MUC12: variants seen among roughly 807,000 people sequenced by gnomAD.
MUC12 encodes the protein mucin 12, cell surface associated.
Under a neutral mutation model 230.8 loss-of-function variants are expected in MUC12, and 172 were observed. The observed-to-expected ratio is 0.75, with a 90% CI of 0.66 to 0.85. MUC12 has a LOEUF of 0.85. Ranked by LOEUF, MUC12 falls within the 40% of genes least tolerant of loss-of-function variation. MUC12 has a pLI of 0.00. For synonymous variants in MUC12, 1,259 were observed against 2,401.9 expected (o/e 0.52, Z 13.91); for missense variants, 3,506 against 5,920.6 (o/e 0.59, Z 13.38).
chr7:101,012,722 G>T (rs3924886), intron 6 of MUC12, 97 bp from the exon 7 acceptor site: 43 of 1,361,394 alleles, frequency 3.2e-5, no homozygotes, highest in African/African-American at 4.3e-5. Context: ...CATTGGCCCA[G>T]GGGAGGGCAT....
At chr7:100,974,518 C>T (rs557089542) in intron 1 of MUC12, among the ~76,000 whole-genome samples, 1 of 152,412 alleles carries the variant, frequency 6.6e-6, no homozygotes, top group East Asian at 1.9e-4. Context: ...TGCTGATCAT[C>T]CTGTTGAAAA....
rs1469248244 is a variant in MUC12 at position 100,991,591 on chromosome 7, C to T, written c.1028C>T (p.Thr343Ile). 3 of 1,537,072 alleles carry T rather than the reference C, an allele frequency of 2.0e-6. No individual in the cohort carries two copies. Among genetic ancestry groups the T allele is most frequent in the Non-Finnish European group, 2.6e-6 (3 of 1,146,450 alleles). The change falls in exon 2 of 12, where the codon ACA (threonine) becomes ATA (isoleucine). Residue 343 changes from threonine to isoleucine, a missense_variant. Thr to Ile is a moderately conservative substitution (Grantham distance 89, BLOSUM62 -1). Coordinates refer to ENST00000536621, the MANE Select transcript of MUC12 (RefSeq NM_001164462.2). ...VHSSPVATAT[T>I]PPPARSATSG... ...AGCAGCCCAGTTGCAACTGCAACAA[C>T]ACCCCCACCTGCCCGCTCCGCGACC...
chr7:101,007,510 CT>C (rs532674267), intron 3 of MUC12, among the ~76,000 whole-genome samples: 19 of 152,294 alleles, frequency 1.2e-4, no homozygotes, highest in African/African-American at 4.1e-4. Context: ...CAATGTTTGT[CT>C]TTCTGTGCCT....
intron 1 of MUC12, among the ~76,000 whole-genome samples, chr7:100,984,000 A>C (rs1282183328): frequency 2.6e-5 from 4 of 152,164 alleles, no homozygotes; most frequent in Non-Finnish European, 5.9e-5. Context: ...CCCTGCCTTC[A>C]TGTGGGCCTC....
rs375191349 is a variant in MUC12 at position 101,012,964 on chromosome 7, C to T, written c.15476-16C>T. The T allele has an allele frequency of 2.1e-5, 32 of 1,537,124 alleles. No individual in the cohort carries two copies. Among genetic ancestry groups the T allele is most frequent in the Middle Eastern group, 1.7e-4 (1 of 6,012 alleles). Reference sequence around the variant, plus strand: ...TTTGGCCAGGCTCATGCATGCTGCCCGCCCCTCTCCCTCAGAGCAATGCAC... The same window carrying T: ...TTTGGCCAGGCTCATGCATGCTGCCTGCCCCTCTCCCTCAGAGCAATGCAC... On this transcript the variant is annotated splice_polypyrimidine_tract_variant and intron_variant, in intron 7 of 11. Transcript: ENST00000536621.
Position 101,012,865 on chromosome 7 carries a change from G to A in MUC12, c.15450G>A (p.Ser5150=), listed in dbSNP as rs1007108146. 1.6e-5 allele frequency: 24 copies of A among 1,537,142 alleles called. No individual in the cohort carries two copies. Among genetic ancestry groups the A allele is most frequent in the East Asian group, 2.4e-5 (1 of 40,926 alleles). ...YSEEDTFVDS[S]VTPGFDFQEQ... ...AAGAGGACACTTTCGTGGATTCATC[G>A]GTGACTCCGGGCTTTGACTTCCAGG... Residue 5150 remains serine, a synonymous_variant, in exon 7 of 12, where the codon TCG becomes TCA. Transcript: ENST00000536621.
Position 100,992,310 on chromosome 7 carries a change from C to A in MUC12, c.1747C>A (p.Arg583Ser), listed in dbSNP as rs10953312. 800,350 of 1,537,060 alleles carry A rather than the reference C, an allele frequency of 0.52. 209,676 individuals are homozygous for A. The highest frequency in any genetic ancestry group is 0.6 in the East Asian group (24,451 of 40,886). ...TCCAGAATATACTACCTTCCACAGC[C>A]GCCCAGGCTCCACTGAAACAACACT... Reference protein sequence around the residue: ...LGPEYTTFHSRPGSTETTLLP... With the variant: ...LGPEYTTFHSSPGSTETTLLP... The change falls in exon 2 of 12, where the codon CGC (arginine) becomes AGC (serine). Residue 583 changes from arginine (R) to serine (S), a missense_variant. By Grantham distance (110) the Arg-to-Ser change is moderately radical. Transcript: ENST00000536621.
In MUC12 at chr7:100,991,360, C is replaced by G. The variant is rs115914202; in HGVS notation, c.797C>G (p.Ser266Cys). 1.6e-3 allele frequency: 2,397 copies of G among 1,537,762 alleles called. 23 individuals carry two copies. In the African/African-American group the frequency reaches 0.03, roughly 19 times the overall value. The change falls in exon 2 of 12, where the codon TCC becomes TGC. Residue 266 changes from serine to cysteine, a missense_variant. Physicochemically the swap from Ser to Cys is moderately radical, Grantham distance 112. Transcript: ENST00000536621. Reference sequence around the variant, plus strand: ...TCGCCACACACAACACTGTCCCCTTCCAGCTCTACAACCCATGAGGGAGAA... The same window carrying G: ...TCGCCACACACAACACTGTCCCCTTGCAGCTCTACAACCCATGAGGGAGAA... The part of the protein sequence containing the change: ...TGSPHTTLSP[S>C]SSTTHEGEPT...
chr7:100,991,422 A>C lies in MUC12; in HGVS notation c.859A>C (p.Thr287Pro). The change falls in exon 2 of 12, where the codon ACT (threonine) becomes CCT (proline). Residue 287 changes from threonine (T) to proline (P), a missense_variant. Coordinates refer to ENST00000536621, the MANE Select transcript of MUC12 (RefSeq NM_001164462.2). ...CCAGAGCTGGCCAAGCTCAAAGGACACTTCGCCTGCACCTTCTGGTACCAC... is the reference window on the plus strand; with the variant it reads ...CCAGAGCTGGCCAAGCTCAAAGGACCCTTCGCCTGCACCTTCTGGTACCAC... ...TFQSWPSSKD[T>P]SPAPSGTTSA... is the part of the protein sequence containing the mutation. 6.5e-7 allele frequency: 1 copy of C among 1,537,816 alleles called. No homozygotes were observed.
At chr7:101,011,482 T>C (rs1237373625) in intron 5 of MUC12, among the ~76,000 whole-genome samples, 2 of 152,190 alleles carry the variant, frequency 1.3e-5, no homozygotes, top group Non-Finnish European at 2.9e-5. Context: ...AGTGCAGTGG[T>C]GCAATCATAG....
intron 1 of MUC12, among the ~76,000 whole-genome samples, chr7:100,979,803 A>ATG (rs1225235979): frequency 1.0e-5 from 1 of 98,770 alleles, no homozygotes; most frequent in Non-Finnish European, 2.4e-5. Flanking sequence ...GTAAAATAAC[A>ATG]TGTATATATA....
In MUC12 at chr7:101,004,327, C is replaced by G; in HGVS notation, c.13764C>G (p.Pro4588=). Residue 4588 remains proline (P), a synonymous_variant, in exon 2 of 12, where the codon CCC becomes CCG. Transcript: ENST00000536621. ...GCCCAGTTGCAACTGCAACAACACCCTCGCCTGCCCGCTCCACAACCTCAG... is the reference window on the plus strand; with the variant it reads ...GCCCAGTTGCAACTGCAACAACACCGTCGCCTGCCCGCTCCACAACCTCAG... ...HSSPVATATT[P]SPARSTTSGL... is the part of the protein sequence containing the mutation. 6 of 1,217,150 alleles carry G rather than the reference C, an allele frequency of 4.9e-6. No individual in the cohort carries two copies. The highest frequency in any genetic ancestry group is 6.6e-6 in the Non-Finnish European group (6 of 915,542). The allele number at this position is 1,217,150 out of a possible 1,614,324, so 75.4% of individuals were successfully genotyped here. A position where few individuals can be genotyped will look rare whatever the true frequency, so the allele number is the denominator to read the frequency against.
At chr7:100,972,123 T>G (rs918340691) in intron 1 of MUC12, 14 of 703,364 alleles carry the variant, frequency 2.0e-5, no homozygotes, top group Non-Finnish European at 3.6e-5. Context: ...TGCAGAGGGC[T>G]CTGCTGTTCA....
In MUC12 at chr7:100,990,675, T is replaced by A. The variant is rs1173288284; in HGVS notation, c.112T>A (p.Ser38Thr). 2.0e-6 allele frequency: 3 copies of A among 1,537,708 alleles called. No homozygotes were observed. The highest frequency in any genetic ancestry group is 2.4e-5 in the South Asian group (2 of 84,066). ...TATTGGAGGTAATACAACTTCTGCA[T>A]CCACACCCAGTTCAAGCGACCCTTT... Reference protein sequence around the residue: ...TSIGGNTTSASTPSSSDPFTT... With the variant: ...TSIGGNTTSATTPSSSDPFTT... The change falls in exon 2 of 12, where the codon TCC (serine) becomes ACC (threonine). Residue 38 changes from serine to threonine, a missense_variant. Physicochemically the swap from Ser to Thr is moderately conservative, Grantham distance 58. Transcript: ENST00000536621.
chr7:101,013,867 T>C (rs1793876309), intron 8 of MUC12, 46 bp from the exon 9 acceptor site: 1 of 1,500,644 alleles, frequency 6.7e-7, no homozygotes, highest in Non-Finnish European at 8.9e-7. Context: ...GGATATTGGA[T>C]GTGAGGGATC....
intron 9 of MUC12, chr7:101,015,317 C>A: frequency 2.5e-6 from 1 of 392,692 alleles, no homozygotes; most frequent in South Asian, 3.2e-5. Flanking sequence ...GAAACCCTGG[C>A]ACAGTACCTG....
chr7:100,991,376 T>C lies in MUC12; in HGVS notation c.813T>C (p.His271=). The part of the protein sequence containing the change: ...TTLSPSSSTT[H]EGEPTTFQSW... ...TGTCCCCTTCCAGCTCTACAACCCATGAGGGAGAACCTACCACCTTCCAGA... is the reference window on the plus strand; with the variant it reads ...TGTCCCCTTCCAGCTCTACAACCCACGAGGGAGAACCTACCACCTTCCAGA... Residue 271 remains histidine (H), a synonymous_variant, in exon 2 of 12, where the codon CAT becomes CAC. Coordinates refer to ENST00000536621, the MANE Select transcript of MUC12 (RefSeq NM_001164462.2). The C allele has an allele frequency of 1.3e-6, 2 of 1,537,690 alleles. No individual in the cohort carries two copies. Among genetic ancestry groups the C allele is most frequent in the Non-Finnish European group, 1.7e-6 (2 of 1,147,014 alleles).
At chr7:101,010,171 G>A (rs1047814749) in intron 5 of MUC12, among the ~76,000 whole-genome samples, 4 of 152,108 alleles carry the variant, frequency 2.6e-5, no homozygotes, top group Non-Finnish European at 4.4e-5. Context: ...ATTTCTGGGC[G>A]GCTGGAGGTG....
intron 3 of MUC12, 117 bp downstream of exon 3, chr7:101,006,689 C>A: frequency 1.4e-6 from 1 of 717,808 alleles, no homozygotes. Flanking sequence ...AGGTGTGACT[C>A]TTCCCAGCAA....
Sources: allele counts gnomAD v4.1 joint callset (sites outside exome capture counted in the v4.1 genomes callset), GRCh38; gene constraint gnomAD v4.1.1; transcripts MANE v1.5; gene names NCBI Gene and HGNC (gene_info 2026-07-23, HGNC 2026-07-21).